The following LONP1 variants were observed in gnomAD, a reference collection of about 807,000 sequenced individuals.
The protein encoded by LONP1 is lon peptidase 1, mitochondrial.
Under a neutral mutation model 98.5 loss-of-function variants are expected in LONP1, and 31 were observed. That is an observed-to-expected ratio of 0.31 (90% CI 0.24 to 0.42). LONP1 has a LOEUF of 0.42. Ranked by LOEUF, LONP1 falls within the 20% of genes least tolerant of loss-of-function variation. The pLI, the probability that LONP1 is intolerant of heterozygous loss-of-function variation, is 1.00. For synonymous variants in LONP1, 781 were observed against 594.7 expected (o/e 1.31, Z -4.56); for missense variants, 1,336 against 1,350.6 (o/e 0.99, Z 0.17).
At position 5,700,819 on chromosome 19, in the gene LONP1, G is replaced by GTATT; in HGVS notation, c.1475_1476insAATA (p.Tyr492Ter). ...TGCGTTTCTTGACGTCCTCCATGCCGTAGTGGTCTTCCTCCAGCACTGCCT... is the reference window on the plus strand; with the variant it reads ...TGCGTTTCTTGACGTCCTCCATGCCGTATTTAGTGGTCTTCCTCCAGCACTGCCT... On this transcript the variant is annotated stop_gained and frameshift_variant, in exon 9 of 18. Coordinates refer to ENST00000360614, the MANE Select transcript of LONP1 (RefSeq NM_004793.4). LOFTEE classifies it high-confidence loss of function. 6.2e-7 allele frequency: 1 copy of GTATT among 1,614,184 alleles called. No individual in the cohort carries two copies.
chr19:5,693,992 G>A (rs897438351), intron 15 of LONP1, among the ~76,000 whole-genome samples: 2 of 152,196 alleles, frequency 1.3e-5, no homozygotes, highest in African/African-American at 2.4e-5. Context: ...GCAGCTGCCA[G>A]CCACAGAGGA....
rs71172756 is a variant in LONP1 at position 5,692,006 on chromosome 19, C to CAGTTCTG, written c.*25_*26insCAGAACT. 1.0e-5 allele frequency: 16 copies of CAGTTCTG among 1,597,220 alleles called. No homozygotes were observed. Among genetic ancestry groups the CAGTTCTG allele is most frequent in the South Asian group, 3.4e-5 (3 of 88,602 alleles). On this transcript the variant is annotated 3_prime_UTR_variant, in exon 18 of 18. Transcript: ENST00000360614. The stretch of plus-strand genomic sequence containing the variant: ...TCTGGCCCAGACAGGGCCTGACATC[C>CAGTTCTG]GCCGCCTGCAGTCCCGGGGTGGCCG...
intron 8 of LONP1, among the ~76,000 whole-genome samples, chr19:5,702,706 C>T (rs1000147140): frequency 1.3e-3 from 192 of 152,106 alleles, no homozygotes; most frequent in African/African-American, 4.5e-3. Flanking sequence ...TCCTGTTGAT[C>T]GGTGACCTTA....
At chr19:5,714,421 C>T in intron 1 of LONP1, 150 bp from the exon 2 acceptor site, 1 of 604,682 alleles carries the variant, frequency 1.7e-6, no homozygotes, top group Non-Finnish European at 2.9e-6. Context: ...TCTCCTGCCT[C>T]AGCCTCCTGA....
intron 15 of LONP1, 49 bp from the exon 16 acceptor site, chr19:5,693,818 C>T (rs758010549): frequency 1.1e-5 from 16 of 1,517,224 alleles, no homozygotes; most frequent in South Asian, 6.9e-5. Context: ...GAGCCCAGGC[C>T]GGTGCTCACT....
At chr19:5,706,960 C>T (rs995348990) in intron 7 of LONP1, 100 bp downstream of exon 7, 9 of 996,546 alleles carry the variant, frequency 9.0e-6, no homozygotes, top group South Asian at 8.4e-5. Flanking sequence ...TTGCCCTGGC[C>T]GATGCCACCG....
chr19:5,697,668 C>T (rs1053263398), intron 10 of LONP1, among the ~76,000 whole-genome samples: 5 of 150,272 alleles, frequency 3.3e-5, no homozygotes, highest in African/African-American at 4.9e-5. Flanking sequence ...GACCGAGGAA[C>T]GTGGGAGCCC....
intron 1 of LONP1, among the ~76,000 whole-genome samples, chr19:5,716,010 G>A (rs1285638145): frequency 3.3e-5 from 5 of 151,728 alleles, no homozygotes; most frequent in Admixed American, 1.3e-4. Context: ...GCATTTGAAG[G>A]CGCAAGGAGC....
chr19:5,706,104 AC>A, intron 7 of LONP1, 112 bp from the exon 8 acceptor site: 1 of 710,882 alleles, frequency 1.4e-6, no homozygotes, highest in Non-Finnish European at 2.4e-6. Flanking sequence ...GAGAAAAGAA[AC>A]GAAACCCAGA....
At chr19:5,698,074 C>T (rs1453166498) in intron 10 of LONP1, among the ~76,000 whole-genome samples, 1 of 145,310 alleles carries the variant, frequency 6.9e-6, no homozygotes, top group Non-Finnish European at 1.5e-5. Context: ...CCCCCTCACA[C>T]CCCCCACCCC....
Position 5,707,167 on chromosome 19 carries a change from A to G in LONP1, c.1063-24T>C, listed in dbSNP as rs371010650. The G allele has an allele frequency of 5.0e-6, 8 of 1,602,928 alleles. No individual in the cohort carries two copies. In the African/African-American group the frequency reaches 1.1e-4, roughly 21 times the overall value. On this transcript the variant is annotated intron_variant, in intron 6 of 17. Coordinates refer to ENST00000360614, the MANE Select transcript of LONP1 (RefSeq NM_004793.4). ...ATCTGCCGAGACAGGGAGGACAGAA[A>G]GGATGAGCAGAAGTCGGCATCTGTG...
rs1333808154 is a variant in LONP1, at chr19:5,713,198, C to A, written c.574G>T (p.Ala192Ser). 2.5e-6 allele frequency: 4 copies of A among 1,614,072 alleles called. No homozygotes were observed. The African/African-American group carries it at 5.3e-5, about 22-fold the overall frequency. ...AGGTCCTGCATCTCATGGATCTGGGCAAACGTCCCCGTGTGGTAGATTTCA... is the reference window on the plus strand; with the variant it reads ...AGGTCCTGCATCTCATGGATCTGGGAAAACGTCCCCGTGTGGTAGATTTCA... ...LDEIYHTGTF[A>S]QIHEMQDLGD... The change falls in exon 3 of 18, where the codon GCC becomes TCC. Residue 192 changes from alanine (A) to serine (S), a missense_variant. By Grantham distance (99) the Ala-to-Ser change is moderately conservative. Transcript: ENST00000360614.
In LONP1 at chr19:5,693,387, G is replaced by A. The variant is rs1271644039; in HGVS notation, c.2614C>T (p.Pro872Ser). Residue 872 changes from proline (P) to serine (S), a missense_variant, in exon 17 of 18, where the codon CCT becomes TCT. Physicochemically the swap from Pro to Ser is moderately conservative, Grantham distance 74. This residue lies in a region of LONP1 where 555 missense variants were observed against 542.6 expected (regional missense o/e 1.02). Transcript: ENST00000360614. The stretch of plus-strand genomic sequence containing the variant: ...GTCATGGCCAGATTCTGCCGGACAG[G>A]CCTGCCCATGGCCAGGGACAGCAGG... ...TALLSLAMGR[P>S]VRQNLAMTGE... 1.2e-6 allele frequency: 2 copies of A among 1,613,206 alleles called. No homozygotes were observed. Among genetic ancestry groups the A allele is most frequent in the South Asian group, 1.1e-5 (1 of 91,084 alleles).
Position 5,711,885 on chromosome 19 carries a change from G to A in LONP1, c.756C>T (p.Ala252=). 6.2e-7 allele frequency: 1 copy of A among 1,613,056 alleles called. No individual in the cohort carries two copies. Among genetic ancestry groups the A allele is most frequent in the South Asian group, 1.1e-5 (1 of 91,080 alleles). Reference sequence around the variant, plus strand: ...CCATCGCCAGCTCCGCCGGGTGCCTGGCGCTCAGCTCGTCCTCCGCCTCCT... The same window carrying A: ...CCATCGCCAGCTCCGCCGGGTGCCTAGCGCTCAGCTCGTCCTCCGCCTCCT... The part of the protein sequence containing the change: ...GKKEAEDELS[A]RHPAELAMEP... The change falls in exon 4 of 18, where the codon GCC becomes GCT. Residue 252 remains alanine (A), a synonymous_variant. Transcript: ENST00000360614.
intron 8 of LONP1, among the ~76,000 whole-genome samples, chr19:5,704,531 C>G (rs904264425): frequency 6.6e-6 from 1 of 152,200 alleles, no homozygotes; most frequent in East Asian, 1.9e-4. Context: ...CGCTGTCCTA[C>G]GGCCTGCCCA....
intron 17 of LONP1, among the ~76,000 whole-genome samples, chr19:5,692,594 GTCACCCCCC>G (rs2054847175): frequency 2.6e-5 from 4 of 152,102 alleles, no homozygotes; most frequent in Admixed American, 2.6e-4. Flanking sequence ...CAGGCCCTGC[GTCACCCCCC>G]TCACCTCCGG....
Position 5,708,034 on chromosome 19 carries a change from C to T in LONP1, c.933-208G>A, listed in dbSNP as rs566614146. On this transcript the variant is annotated intron_variant, in intron 5 of 17. Coordinates refer to ENST00000360614, the MANE Select transcript of LONP1 (RefSeq NM_004793.4). ...GCTGGAAAGGCATGCAGCATCCTCACGTGCAGCCACCACGGGAGCCGTGCA... is the reference window on the plus strand; with the variant it reads ...GCTGGAAAGGCATGCAGCATCCTCATGTGCAGCCACCACGGGAGCCGTGCA... The T allele has an allele frequency of 1.9e-4, 123 of 633,724 alleles. 1 individual carries two copies. In the Middle Eastern group the frequency reaches 2.6e-3, roughly 13 times the overall value. 39.3% of individuals were successfully genotyped at this position (633,724 alleles called of 1,614,324 possible). A position where few individuals can be genotyped will look rare whatever the true frequency, so the allele number is the denominator to read the frequency against.
intron 1 of LONP1, among the ~76,000 whole-genome samples, chr19:5,716,405 G>T (rs897078794): frequency 3.3e-5 from 5 of 149,696 alleles, no homozygotes; most frequent in Non-Finnish European, 1.5e-5. Context: ...TCTAGGGTGG[G>T]TCCAAAAATC....
At chr19:5,711,401 C>T (rs1417934956) in intron 4 of LONP1, among the ~76,000 whole-genome samples, 1 of 152,212 alleles carries the variant, frequency 6.6e-6, no homozygotes, top group African/African-American at 2.4e-5. Context: ...GTTTCCTGTC[C>T]TGCAACCACT....
Sources: allele counts gnomAD v4.1 joint callset (sites outside exome capture counted in the v4.1 genomes callset), GRCh38; gene constraint gnomAD v4.1.1; regional missense constraint gnomAD v4.1.1; transcripts MANE v1.5; gene names NCBI Gene and HGNC (gene_info 2026-07-23, HGNC 2026-07-21).